PLCB1: variants seen among roughly 807,000 people sequenced by gnomAD.
PLCB1 encodes phospholipase C beta 1, also known as 1-phosphatidylinositol 4,5-bisphosphate phosphodiesterase beta-1.
In PLCB1, 46 loss-of-function variants were observed where a neutral mutation model predicts 161.8. That is an observed-to-expected ratio of 0.28 (90% CI 0.22 to 0.36). The LOEUF (loss-of-function observed/expected upper bound fraction) is 0.36. Among genes scored for constraint, PLCB1 ranks in the 10% least tolerant of loss-of-function variants. The pLI, the probability that PLCB1 is intolerant of heterozygous loss-of-function variation, is 1.00. For synonymous variants in PLCB1, 517 were observed against 503.7 expected (o/e 1.03, Z -0.35); for missense variants, 1,016 against 1,472.5 (o/e 0.69, Z 5.07).
At position 8,628,318 on chromosome 20, in the gene PLCB1, G is replaced by A. The variant is rs1426617271; in HGVS notation, c.271G>A (p.Asp91Asn). 1.2e-6 allele frequency: 2 copies of A among 1,613,748 alleles called. No individual in the cohort carries two copies. Among genetic ancestry groups the A allele is most frequent in the African/African-American group, 1.3e-5 (1 of 74,884 alleles). Residue 91 changes from aspartate (D) to asparagine (N), a missense_variant, in exon 4 of 32, where the codon GAT becomes AAT. Asp to Asn is a conservative substitution (Grantham distance 23). This residue lies in a region of PLCB1 where 181 missense variants were observed against 236.7 expected (regional missense o/e 0.76). Coordinates refer to ENST00000338037, the MANE Select transcript of PLCB1 (RefSeq NM_015192.4). ...PKDPKLRELL[D>N]VGNIGRLEQR... Reference sequence around the variant, plus strand: ...GGACCCCAAATTACGTGAACTTTTGGATGTGGGGAACATCGGGCGCCTGGA... The same window carrying A: ...GGACCCCAAATTACGTGAACTTTTGAATGTGGGGAACATCGGGCGCCTGGA...
At chr20:8,544,426 C>T (rs1250631818) in intron 3 of PLCB1, among the ~76,000 whole-genome samples, 2 of 152,178 alleles carry the variant, frequency 1.3e-5, no homozygotes, top group Non-Finnish European at 2.9e-5. Flanking sequence ...TTTTGCCTCA[C>T]TTCTACTACT....
chr20:8,335,296 A>G (rs2122205912), intron 2 of PLCB1, among the ~76,000 whole-genome samples: 2 of 152,360 alleles, frequency 1.3e-5, no homozygotes, highest in African/African-American at 4.8e-5. Flanking sequence ...CAAAGGGTCA[A>G]TATCTAGGCA....
chr20:8,244,023 A>G (rs1172796621), intron 2 of PLCB1, among the ~76,000 whole-genome samples: 2 of 151,976 alleles, frequency 1.3e-5, no homozygotes, highest in Admixed American at 1.3e-4. Flanking sequence ...AATTAATATA[A>G]CAAAGTCATA....
rs1407004801 is a variant in PLCB1, at chr20:8,860,898, G to T, written c.3424-20724G>T. Among the ~76,000 whole-genome samples, 10 of 152,286 alleles carry T rather than the reference G, an allele frequency of 6.6e-5. 1 individual carries two copies. The East Asian group carries it at 1.9e-3, about 29-fold the overall frequency. Reference sequence around the variant, plus strand: ...TTCAACTCAGTGTTGTGACATCATGGTGGACACAACTTTCTTAGAGGTATC... The same window carrying T: ...TTCAACTCAGTGTTGTGACATCATGTTGGACACAACTTTCTTAGAGGTATC... On this transcript the variant is annotated intron_variant, in intron 31 of 31. Transcript: ENST00000338037.
chr20:8,831,948 TTCTTTCTTTCTTTC>T (rs1252316896), intron 31 of PLCB1, among the ~76,000 whole-genome samples: 1 of 77,974 alleles, frequency 1.3e-5, no homozygotes, highest in African/African-American at 4.1e-5. Flanking sequence ...CTTTCTTTCT[TTCTTTCTTTCTTTC>T]TTTCTTTCTT....
At chr20:8,682,010 G>A (rs888246752) in intron 9 of PLCB1, among the ~76,000 whole-genome samples, 1 of 152,054 alleles carries the variant, frequency 6.6e-6, no homozygotes, top group African/African-American at 2.4e-5. Context: ...GGGTTTCAAG[G>A]GGTGAATGGC....
chr20:8,754,888 A>G (rs1231760167), intron 23 of PLCB1, among the ~76,000 whole-genome samples: 1 of 152,228 alleles, frequency 6.6e-6, no homozygotes, highest in Non-Finnish European at 1.5e-5. Context: ...CCAGTTTGCA[A>G]TGTCTTGCTG....
intron 2 of PLCB1, among the ~76,000 whole-genome samples, chr20:8,355,432 A>C (rs1178783327): frequency 6.6e-6 from 1 of 152,144 alleles, no homozygotes; most frequent in Non-Finnish European, 1.5e-5. Flanking sequence ...TGTCCAATCT[A>C]ACAGCTCCAG....
intron 3 of PLCB1, among the ~76,000 whole-genome samples, chr20:8,533,038 A>G (rs1434479686): frequency 1.0e-5 from 1 of 99,682 alleles, no homozygotes; most frequent in Non-Finnish European, 1.9e-5. Flanking sequence ...AATAGTCCCC[A>G]GAGTGTGATG....
intron 31 of PLCB1, among the ~76,000 whole-genome samples, chr20:8,843,966 A>G (rs2146293439): frequency 6.6e-6 from 1 of 152,340 alleles, no homozygotes; most frequent in Non-Finnish European, 1.5e-5. Context: ...ATTCCCATCT[A>G]CCAGTTGTAA....
At chr20:8,345,989 T>C (rs2122239534) in intron 2 of PLCB1, among the ~76,000 whole-genome samples, 1 of 152,330 alleles carries the variant, frequency 6.6e-6, no homozygotes, top group East Asian at 1.9e-4. Flanking sequence ...GGTATGGTCC[T>C]CACATAAAGT....
At chr20:8,574,591 T>C (rs993213141) in intron 3 of PLCB1, among the ~76,000 whole-genome samples, 5 of 152,184 alleles carry the variant, frequency 3.3e-5, no homozygotes, top group Non-Finnish European at 7.3e-5. Context: ...ATTAGAAGTA[T>C]GTCGAAGGGA....
chr20:8,563,092 T>C (rs1986194901), intron 3 of PLCB1, among the ~76,000 whole-genome samples: 1 of 152,068 alleles, frequency 6.6e-6, no homozygotes, highest in Non-Finnish European at 1.5e-5. Context: ...AGTATGCATA[T>C]TATGATAAAT....
At chr20:8,793,417 C>T (rs1005520003) in intron 31 of PLCB1, among the ~76,000 whole-genome samples, 9 of 152,088 alleles carry the variant, frequency 5.9e-5, no homozygotes, top group Admixed American at 2.0e-4. Flanking sequence ...CCGATATTCA[C>T]GTAGGTTCTT....
chr20:8,622,083 G>A (rs1207535215), intron 3 of PLCB1, among the ~76,000 whole-genome samples: 1 of 135,452 alleles, frequency 7.4e-6, no homozygotes, highest in Non-Finnish European at 1.6e-5. Flanking sequence ...TGGTGAAACC[G>A]TCTCTACTCA....
chr20:8,160,456 G>A (rs1287283172), intron 2 of PLCB1, among the ~76,000 whole-genome samples: 5 of 152,184 alleles, frequency 3.3e-5, no homozygotes, highest in Admixed American at 6.5e-5. Context: ...AAAGAAAGAG[G>A]TATAATAGGA....
At chr20:8,197,863 C>T (rs2052043026) in intron 2 of PLCB1, among the ~76,000 whole-genome samples, 1 of 152,180 alleles carries the variant, frequency 6.6e-6, no homozygotes, top group Admixed American at 6.5e-5. Flanking sequence ...GATCCAGTTT[C>T]AGCTTTCTAC....
At chr20:8,818,509 A>T (rs1410612887) in intron 31 of PLCB1, among the ~76,000 whole-genome samples, 2 of 152,228 alleles carry the variant, frequency 1.3e-5, no homozygotes, top group African/African-American at 4.8e-5. Context: ...ATATTTGCAA[A>T]TGATGTGAAT....
chr20:8,570,611 G>A (rs56229909), intron 3 of PLCB1, among the ~76,000 whole-genome samples: 30 of 56,544 alleles, frequency 5.3e-4, no homozygotes, highest in African/African-American at 7.3e-4. Flanking sequence ...CTGATCTCAC[G>A]CAGCTGACAC....
Sources: allele counts gnomAD v4.1 joint callset (sites outside exome capture counted in the v4.1 genomes callset), GRCh38; gene constraint gnomAD v4.1.1; regional missense constraint gnomAD v4.1.1; transcripts MANE v1.5; gene names NCBI Gene and HGNC (gene_info 2026-07-23, HGNC 2026-07-21).